SGK1: variants seen among roughly 807,000 people sequenced by gnomAD.
The protein encoded by SGK1 is serine/threonine-protein kinase Sgk1.
SGK1 carries 26 observed loss-of-function variants against 64.2 expected under a neutral mutation model. That is an observed-to-expected ratio of 0.40 (90% CI 0.30 to 0.56). The LOEUF (loss-of-function observed/expected upper bound fraction) is 0.56. Ranked by LOEUF, SGK1 falls within the 20% of genes least tolerant of loss-of-function variation. The pLI is 0.38. For synonymous variants in SGK1, 265 were observed against 239.7 expected (o/e 1.11, Z -0.98); for missense variants, 519 against 645.6 (o/e 0.80, Z 2.12).
chr6:134,265,619 CATATATATATAT>C (rs1554225923), intron 1 of SGK1, among the ~76,000 whole-genome samples: 2 of 129,854 alleles, frequency 1.5e-5, no homozygotes, highest in Non-Finnish European at 3.1e-5. Flanking sequence ...TATATATATA[CATATATATATAT>C]ACATATATAT....
chr6:134,203,041 C>A (rs1346994456), intron 3 of SGK1, among the ~76,000 whole-genome samples: 1 of 152,022 alleles, frequency 6.6e-6, no homozygotes, highest in African/African-American at 2.4e-5. Context: ...GTCAAGAGAT[C>A]GAGGCCAGCC....
At chr6:134,208,493 CACTGTACCCAGTGTGT>C (rs772290890) in intron 2 of SGK1, among the ~76,000 whole-genome samples, 123 of 152,096 alleles carry the variant, frequency 8.1e-4, no homozygotes, top group Non-Finnish European at 1.5e-3. Context: ...AAGCAGTGTA[CACTGTACCCAGTGTGT>C]AGTCTTTTAT....
At chr6:134,228,526 C>T (rs1419236088) in intron 2 of SGK1, among the ~76,000 whole-genome samples, 3 of 152,194 alleles carry the variant, frequency 2.0e-5, no homozygotes, top group Non-Finnish European at 2.9e-5. Context: ...TATCCCCAGA[C>T]TGTAAACTGT....
intron 2 of SGK1, among the ~76,000 whole-genome samples, chr6:134,217,076 C>T (rs2114697288): frequency 6.6e-6 from 1 of 152,272 alleles, no homozygotes; most frequent in African/African-American, 2.4e-5. Flanking sequence ...TTGAAGAATA[C>T]AGGAGCTGAG....
rs58634499 is a variant in SGK1 at position 134,273,592 on chromosome 6, CAAAAAAAAAAAAAA to C, written c.70-11458_70-11445del. ...TGGGCGACAGAGCGAGACTCCGTCT[CAAAAAAAAAAAAAA>C]AAAAAAAAAAAAAAAAGCTGAGTTA... On this transcript the variant is annotated intron_variant, in intron 1 of 13. Coordinates refer to ENST00000367858, the MANE Select transcript of SGK1 (RefSeq NM_001143676.3). Among the ~76,000 whole-genome samples the C allele has an allele frequency of 3.1e-4, 5 of 16,222 alleles. 2 individuals are homozygous for C. Among genetic ancestry groups the C allele is most frequent in the East Asian group, 4.3e-3 (2 of 464 alleles). 10.6% of individuals were successfully genotyped at this position (16,222 alleles called of 152,430 possible). A position where few individuals can be genotyped will look rare whatever the true frequency, so the allele number is the denominator to read the frequency against.
intron 2 of SGK1, among the ~76,000 whole-genome samples, chr6:134,227,590 T>G (rs1776204955): frequency 6.6e-6 from 1 of 152,238 alleles, no homozygotes; most frequent in Non-Finnish European, 1.5e-5. Flanking sequence ...AGATTACACC[T>G]AAAGCCAAGA....
Position 134,171,147 on chromosome 6 carries a change from A to G in SGK1, c.1199T>C (p.Met400Thr). ...AGGCTTGTTCAGAATGTTGTCGTACATTTCAGCTGTGTTTCGGCTATAAAA... is the reference window on the plus strand; with the variant it reads ...AGGCTTGTTCAGAATGTTGTCGTACGTTTCAGCTGTGTTTCGGCTATAAAA... ...PPFYSRNTAE[M>T]YDNILNKPLQ... Residue 400 changes from methionine (M) to threonine (T), a missense_variant, in exon 12 of 14, where the codon ATG becomes ACG. Met to Thr is a moderately conservative substitution (Grantham distance 81). Transcript: ENST00000367858. 2 of 1,614,166 alleles carry G rather than the reference A, an allele frequency of 1.2e-6. No homozygotes were observed. Among genetic ancestry groups the G allele is most frequent in the Non-Finnish European group, 1.7e-6 (2 of 1,180,040 alleles).
At chr6:134,217,567 G>A (rs149340549) in intron 2 of SGK1, among the ~76,000 whole-genome samples, 2 of 152,322 alleles carry the variant, frequency 1.3e-5, no homozygotes, top group Non-Finnish European at 2.9e-5. Context: ...AAGATGGAAT[G>A]TGGCCACATT....
intron 1 of SGK1, among the ~76,000 whole-genome samples, chr6:134,305,228 T>G (rs1206445434): frequency 6.6e-6 from 1 of 151,866 alleles, no homozygotes; most frequent in Admixed American, 6.6e-5. Context: ...GCATGGTGGC[T>G]GGTGCTTGTA....
intron 2 of SGK1, among the ~76,000 whole-genome samples, chr6:134,246,119 T>A (rs1454098058): frequency 6.6e-6 from 1 of 152,074 alleles, no homozygotes; most frequent in African/African-American, 2.4e-5. Flanking sequence ...CATCATATGA[T>A]CTTCATGGTT....
intron 1 of SGK1, among the ~76,000 whole-genome samples, chr6:134,267,325 T>C (rs533269314): frequency 7.2e-5 from 11 of 152,122 alleles, no homozygotes; most frequent in Non-Finnish European, 1.6e-4. Context: ...AGAGATACAG[T>C]CTCACTCTAT....
At chr6:134,284,691 C>T (rs1777155038) in intron 1 of SGK1, among the ~76,000 whole-genome samples, 2 of 152,010 alleles carry the variant, frequency 1.3e-5, no homozygotes, top group African/African-American at 4.8e-5. Flanking sequence ...CACCAACAGG[C>T]CAGTTTGGTC....
chr6:134,315,488 A>G (rs1326818646), intron 1 of SGK1, among the ~76,000 whole-genome samples: 1 of 150,698 alleles, frequency 6.6e-6, no homozygotes, highest in Non-Finnish European at 1.5e-5. Context: ...ACTGAAGTCT[A>G]TTGGTAAACT....
intron 1 of SGK1, chr6:134,297,749 C>T (rs1283658084): frequency 8.3e-6 from 4 of 481,288 alleles, no homozygotes; most frequent in Non-Finnish European, 1.5e-5. Flanking sequence ...GATCAGCCTG[C>T]CTCGGCCTCC....
At chr6:134,207,671 G>A (rs1046783625) in intron 2 of SGK1, among the ~76,000 whole-genome samples, 1 of 152,186 alleles carries the variant, frequency 6.6e-6, no homozygotes, top group Admixed American at 6.5e-5. Flanking sequence ...ACATGAAGCA[G>A]TTTCACTGGG....
At position 134,173,501 on chromosome 6, in the gene SGK1, A is replaced by C; in HGVS notation, c.579T>G (p.Phe193Leu). 1 of 1,613,574 alleles carries C rather than the reference A, an allele frequency of 6.2e-7. No homozygotes were observed. Among genetic ancestry groups the C allele is most frequent in the Non-Finnish European group, 8.5e-7 (1 of 1,179,878 alleles). The change falls in exon 6 of 14, where the codon TTT (phenylalanine) becomes TTG (leucine). Residue 193 changes from phenylalanine to leucine, a missense_variant. Around this residue, in one of 2 missense-constraint regions of SGK1, gnomAD observed 241 missense variants for 236.9 expected, o/e 1.02. Coordinates refer to ENST00000367858, the MANE Select transcript of SGK1 (RefSeq NM_001143676.3). ...SSNPHAKPSDFHFLKVIGKGS... is the reference protein window; with the variant it reads ...SSNPHAKPSDLHFLKVIGKGS... ...CCTTTCCGATCACTTTCAAGAAGTG[A>C]AAGTCAGATGGTTTAGCATGAGGAT... is the stretch of plus-strand genomic sequence containing the variant.
chr6:134,261,927 A>G lies in SGK1; in HGVS notation c.285+6T>C. 1 of 1,602,186 alleles carries G rather than the reference A, an allele frequency of 6.2e-7. No homozygotes were observed. The highest frequency in any genetic ancestry group is 8.6e-7 in the Non-Finnish European group (1 of 1,169,042). Reference sequence around the variant, plus strand: ...GAGAATAGATCCAGAGCGAACATGAACTTACTTCACACCCAGATTGAGTTT... The same window carrying G: ...GAGAATAGATCCAGAGCGAACATGAGCTTACTTCACACCCAGATTGAGTTT... On this transcript the variant is annotated splice_donor_region_variant and intron_variant, in intron 2 of 13. Transcript: ENST00000367858.
chr6:134,315,654 A>T (rs999985392), intron 1 of SGK1, among the ~76,000 whole-genome samples: 6 of 152,228 alleles, frequency 3.9e-5, no homozygotes, highest in African/African-American at 1.4e-4. Flanking sequence ...CCCCAATACC[A>T]TGAAATAAAT....
chr6:134,315,569 T>C lies in SGK1; in HGVS notation c.69+1823A>G, dbSNP rs1195732120. On this transcript the variant is annotated intron_variant, in intron 1 of 13. Coordinates refer to ENST00000367858, the MANE Select transcript of SGK1 (RefSeq NM_001143676.3). ...TAGTACATTTTGATAACAAAGAAAA[T>C]AAAAGACAATTTAAAATTTATGTAA... 2.6e-5 allele frequency among the ~76,000 whole-genome samples: 4 copies of C among 152,090 alleles called. No homozygotes were observed. The East Asian group carries it at 7.7e-4, about 29-fold the overall frequency.
Sources: allele counts gnomAD v4.1 joint callset (sites outside exome capture counted in the v4.1 genomes callset), GRCh38; gene constraint gnomAD v4.1.1; regional missense constraint gnomAD v4.1.1; transcripts MANE v1.5; gene names NCBI Gene and HGNC (gene_info 2026-07-23, HGNC 2026-07-21).